Variants in DIS3L2 observed in about 807,000 individuals in gnomAD.
The protein encoded by DIS3L2 is DIS3-like exonuclease 2.
Under a neutral mutation model 97.5 loss-of-function variants are expected in DIS3L2, and 34 were observed. That is an observed-to-expected ratio of 0.35 (90% confidence interval 0.27 to 0.46). The LOEUF (loss-of-function observed/expected upper bound fraction) is 0.46. Among genes scored for constraint, DIS3L2 ranks in the 20% least tolerant of loss-of-function variants. The pLI is 1.00. For synonymous variants in DIS3L2, 435 were observed against 445.2 expected (o/e 0.98, Z 0.29); for missense variants, 1,038 against 1,146.0 (o/e 0.91, Z 1.36).
chr2:232,116,156 C>T (rs1559644676), intron 6 of DIS3L2, among the ~76,000 whole-genome samples: 2 of 150,350 alleles, frequency 1.3e-5, no homozygotes, highest in Non-Finnish European at 3.0e-5. Context: ...TGGGCAACAG[C>T]GTGAGACTTG....
intron 9 of DIS3L2, among the ~76,000 whole-genome samples, chr2:232,186,300 A>G (rs866106263): frequency 1.3e-5 from 2 of 152,236 alleles, no homozygotes; most frequent in Non-Finnish European, 1.5e-5. Flanking sequence ...GAAGTTAATA[A>G]TTCAACATCT....
chr2:232,055,563 A>G (rs1037049157), intron 5 of DIS3L2, among the ~76,000 whole-genome samples: 7 of 152,232 alleles, frequency 4.6e-5, no homozygotes, highest in African/African-American at 1.7e-4. Context: ...TGATTGCTGC[A>G]TTTAACAGAA....
Position 232,191,438 on chromosome 2 carries a change from A to G in DIS3L2, c.1125-18888A>G, listed in dbSNP as rs374092328. On this transcript the variant is annotated intron_variant, in intron 9 of 20. Coordinates refer to ENST00000325385, the MANE Select transcript of DIS3L2 (RefSeq NM_152383.5). ...GCTGGATAACACAACTTCAAAAAAA[A>G]TTATAATTATAAAGTAGTAACACTG... 2.0e-4 allele frequency among the ~76,000 whole-genome samples: 31 copies of G among 152,324 alleles called. 1 individual carries two copies. The Middle Eastern group carries it at 0.017, about 84-fold the overall frequency.
At chr2:232,327,496 G>A (rs575839055) in intron 14 of DIS3L2, among the ~76,000 whole-genome samples, 1 of 152,222 alleles carries the variant, frequency 6.6e-6, no homozygotes, top group Non-Finnish European at 1.5e-5. Flanking sequence ...GCAAAAGTAC[G>A]CATGATTGTG....
chr2:232,321,364 G>A (rs758954701), intron 14 of DIS3L2, among the ~76,000 whole-genome samples: 4 of 152,104 alleles, frequency 2.6e-5, no homozygotes, highest in Non-Finnish European at 5.9e-5. Flanking sequence ...GCCCAGCTCC[G>A]AGCTCAGCAC....
intron 5 of DIS3L2, among the ~76,000 whole-genome samples, chr2:232,072,971 A>T (rs1696078758): frequency 6.6e-6 from 1 of 152,168 alleles, no homozygotes; most frequent in Admixed American, 6.5e-5. Flanking sequence ...GATAAAAGGT[A>T]CGTTTGGATT....
intron 12 of DIS3L2, among the ~76,000 whole-genome samples, chr2:232,250,951 T>G (rs1377459859): frequency 6.6e-6 from 1 of 152,208 alleles, no homozygotes; most frequent in South Asian, 2.1e-4. Flanking sequence ...CAGTAAAGCT[T>G]ACAGACAATA....
At chr2:231,979,625 T>C (rs1040889129) in intron 1 of DIS3L2, among the ~76,000 whole-genome samples, 1 of 152,142 alleles carries the variant, frequency 6.6e-6, no homozygotes, top group Admixed American at 6.5e-5. Context: ...ATTGCCAGGC[T>C]GGAGTGCAGT....
At chr2:232,192,203 C>A (rs1045258727) in intron 9 of DIS3L2, among the ~76,000 whole-genome samples, 1 of 152,090 alleles carries the variant, frequency 6.6e-6, no homozygotes, top group Non-Finnish European at 1.5e-5. Context: ...TTATGTTATA[C>A]CTTTATATAC....
At chr2:232,089,171 T>C (rs930811676) in intron 6 of DIS3L2, among the ~76,000 whole-genome samples, 1 of 152,258 alleles carries the variant, frequency 6.6e-6, no homozygotes, top group African/African-American at 2.4e-5. Context: ...AAAGCATTTT[T>C]TGAAAGCATG....
chr2:232,084,736 CT>C (rs1267520108), intron 5 of DIS3L2, among the ~76,000 whole-genome samples: 2 of 151,586 alleles, frequency 1.3e-5, no homozygotes, highest in African/African-American at 4.9e-5. Flanking sequence ...ATTAAATATA[CT>C]CAGGGACTGG....
chr2:231,970,828 A>G (rs961784745), intron 1 of DIS3L2, among the ~76,000 whole-genome samples: 17 of 151,918 alleles, frequency 1.1e-4, no homozygotes, highest in Non-Finnish European at 2.4e-4. Flanking sequence ...AATTTTTTAT[A>G]TTTTGATTCT....
At chr2:232,234,505 A>G (rs1461806308) in intron 10 of DIS3L2, among the ~76,000 whole-genome samples, 2 of 152,082 alleles carry the variant, frequency 1.3e-5, no homozygotes, top group Non-Finnish European at 2.9e-5. Context: ...ATGCGCCACC[A>G]CACTTGGCTA....
At chr2:232,055,440 A>G (rs1695521084) in intron 5 of DIS3L2, among the ~76,000 whole-genome samples, 1 of 152,248 alleles carries the variant, frequency 6.6e-6, no homozygotes. Context: ...AGAGTTTTCA[A>G]GACCTCAACA....
At chr2:232,278,065 G>T (rs1694188679) in intron 13 of DIS3L2, among the ~76,000 whole-genome samples, 1 of 152,142 alleles carries the variant, frequency 6.6e-6, no homozygotes, top group Non-Finnish European at 1.5e-5. Flanking sequence ...TCCTCAGCAG[G>T]AAACAATAGT....
chr2:232,128,451 ATTTTTTTTT>A (rs10682281), intron 6 of DIS3L2, among the ~76,000 whole-genome samples: 17 of 71,694 alleles, frequency 2.4e-4, no homozygotes, highest in East Asian at 1.1e-3. Context: ...AACTTTGCTA[ATTTTTTTTT>A]TTTTTTTTTT....
intron 5 of DIS3L2, among the ~76,000 whole-genome samples, chr2:232,069,566 G>A (rs922858665): frequency 1.3e-5 from 2 of 152,184 alleles, no homozygotes; most frequent in African/African-American, 4.8e-5. Flanking sequence ...CTTCCTTGCT[G>A]TGGTGATAGA....
intron 9 of DIS3L2, among the ~76,000 whole-genome samples, chr2:232,190,881 G>C (rs1377156996): frequency 2.6e-5 from 4 of 152,172 alleles, no homozygotes; most frequent in Admixed American, 6.5e-5. Context: ...GCAGATATTA[G>C]AAGAGTTAAA....
Position 232,154,112 on chromosome 2 carries a change from T to G in DIS3L2, c.951-9347T>G, listed in dbSNP as rs1290529113. Among the ~76,000 whole-genome samples, 4 of 81,244 alleles carry G rather than the reference T, an allele frequency of 4.9e-5. No homozygotes were observed. The Admixed American group carries it at 5.4e-4, about 11-fold the overall frequency. 53.3% of individuals were successfully genotyped at this position (81,244 alleles called of 152,430 possible). On this transcript the variant is annotated intron_variant, in intron 8 of 20. Coordinates refer to ENST00000325385, the MANE Select transcript of DIS3L2 (RefSeq NM_152383.5). Reference sequence around the variant, plus strand: ...TCTAGTTATACATTCTTCTAAATTTTTTTCAAAGTTTTCAACTTCTTTGCC... The same window carrying G: ...TCTAGTTATACATTCTTCTAAATTTGTTTCAAAGTTTTCAACTTCTTTGCC...
Sources: gnomAD v4.1 joint callset for allele counts (sites outside exome capture counted in the v4.1 genomes callset) on GRCh38, gnomAD v4.1.1 for gene constraint, MANE v1.5 for transcripts, NCBI Gene and HGNC (gene_info 2026-07-23, HGNC 2026-07-21) for gene names.